VAMP7: variants seen among roughly 807,000 people sequenced by gnomAD.
VAMP7 encodes vesicle-associated membrane protein 7.
In VAMP7, 14 loss-of-function variants were observed where a neutral mutation model predicts 29.6. The observed-to-expected ratio is 0.47, with a 90% CI of 0.31 to 0.74. The LOEUF is 0.74. Among genes scored for constraint, VAMP7 ranks in the 30% least tolerant of loss-of-function variants. The probability of loss-of-function intolerance (pLI) is 0.05; values close to 1 mark genes in which losing one functional copy is unlikely to be tolerated. For synonymous variants in VAMP7, 95 were observed against 88.1 expected (o/e 1.08, Z -0.44); for missense variants, 223 against 262.4 (o/e 0.85, Z 1.04).
intron 5 of VAMP7, among the ~76,000 whole-genome samples, chrX:155,909,641 T>G (rs959946794): frequency 2.4e-4 from 36 of 152,158 alleles, no homozygotes; most frequent in African/African-American, 8.4e-4. Context: ...CGTAGTGACT[T>G]AAACAACAGA....
intron 5 of VAMP7, among the ~76,000 whole-genome samples, chrX:155,909,515 CTTTAGATTTAGT>C (rs2066203986): frequency 6.6e-6 from 1 of 152,026 alleles, no homozygotes; most frequent in East Asian, 1.9e-4. Context: ...CCACTGCTAG[CTTTAGATTTAGT>C]TTACCCTTCT....
chrX:155,883,639 C>G (rs1177115531), intron 1 of VAMP7, among the ~76,000 whole-genome samples: 3 of 151,398 alleles, frequency 2.0e-5, no homozygotes, highest in African/African-American at 7.3e-5. Context: ...TTTATTTGAA[C>G]AGTTGTATAA....
At chrX:155,911,562 A>G (rs1369288119) in intron 5 of VAMP7, among the ~76,000 whole-genome samples, 7 of 152,060 alleles carry the variant, frequency 4.6e-5, no homozygotes, top group African/African-American at 1.4e-4. Flanking sequence ...TTTTAATAAT[A>G]TACATTCTTA....
At chrX:155,905,294 A>G (rs758947781) in intron 5 of VAMP7, among the ~76,000 whole-genome samples, 10 of 152,152 alleles carry the variant, frequency 6.6e-5, no homozygotes, top group African/African-American at 2.4e-4. Context: ...TTGAGCTATA[A>G]CAGTACTTTA....
intron 6 of VAMP7, among the ~76,000 whole-genome samples, chrX:155,935,120 G>A (rs912417461): frequency 1.3e-5 from 2 of 151,980 alleles, no homozygotes; most frequent in African/African-American, 4.8e-5. Context: ...CTTTCTCTCT[G>A]GCTGCCCTTA....
chrX:155,896,164 G>C (rs2065985011), intron 3 of VAMP7, among the ~76,000 whole-genome samples: 1 of 152,290 alleles, frequency 6.6e-6, no homozygotes, highest in East Asian at 1.9e-4. Flanking sequence ...TTGTCATATA[G>C]AGCAGCAAAT....
At chrX:155,913,475 A>T (rs2066267495) in intron 5 of VAMP7, among the ~76,000 whole-genome samples, 1 of 152,120 alleles carries the variant, frequency 6.6e-6, no homozygotes, top group African/African-American at 2.4e-5. Flanking sequence ...GGTATTGCCC[A>T]GGTTTTCTTC....
At chrX:155,932,754 G>C (rs2066581328) in intron 6 of VAMP7, among the ~76,000 whole-genome samples, 1 of 152,152 alleles carries the variant, frequency 6.6e-6, no homozygotes, top group Admixed American at 6.5e-5. Flanking sequence ...TTGAATAGGA[G>C]TGGTGAGAGA....
At chrX:155,934,837 A>G (rs5983835) in intron 6 of VAMP7, among the ~76,000 whole-genome samples, 96,889 of 151,750 alleles carry the variant, frequency 0.64, 31,203 homozygotes, top group African/African-American at 0.74. Flanking sequence ...AGTGGCTGGT[A>G]TGTGTTGTTC....
At chrX:155,940,274 C>T (rs1603029638) in intron 7 of VAMP7, among the ~76,000 whole-genome samples, 2 of 152,054 alleles carry the variant, frequency 1.3e-5, no homozygotes, top group South Asian at 2.1e-4. Context: ...GTGCTTTACC[C>T]TGTTCATGGT....
At chrX:155,898,066 C>T (rs772346325) in intron 3 of VAMP7, 46 bp from the exon 4 acceptor site, 1 of 1,596,422 alleles carries the variant, frequency 6.3e-7, no homozygotes, top group South Asian at 1.1e-5. Flanking sequence ...CTCACATCAT[C>T]TTTGTTTACT....
intron 1 of VAMP7, among the ~76,000 whole-genome samples, chrX:155,883,306 C>G (rs2065825981): frequency 6.6e-6 from 1 of 152,154 alleles, no homozygotes; most frequent in South Asian, 2.1e-4. Flanking sequence ...ATCAGGCTAG[C>G]TTATGTACCT....
chrX:155,883,514 T>G (rs2065828482), intron 1 of VAMP7, among the ~76,000 whole-genome samples: 1 of 152,166 alleles, frequency 6.6e-6, no homozygotes, highest in African/African-American at 2.4e-5. Context: ...GCCAATGAAC[T>G]CTTGCAAGAA....
chrX:155,921,524 T>C (rs1165253309), intron 6 of VAMP7, among the ~76,000 whole-genome samples: 1 of 152,134 alleles, frequency 6.6e-6, no homozygotes, highest in African/African-American at 2.4e-5. Context: ...CCTGTGAAAT[T>C]CATCCACGTT....
chrX:155,894,065 C>T (rs377554109), intron 2 of VAMP7, among the ~76,000 whole-genome samples: 69 of 152,266 alleles, frequency 4.5e-4, no homozygotes, highest in African/African-American at 1.4e-3. Context: ...ACAGGTACCC[C>T]TATCTATCCA....
intron 3 of VAMP7, 118 bp from the exon 4 acceptor site, chrX:155,897,994 T>C (rs2066008579): frequency 7.7e-7 from 1 of 1,295,972 alleles, no homozygotes; most frequent in Non-Finnish European, 1.1e-6. Context: ...TCAATGCTAG[T>C]TCCTCCTCAG....
intron 2 of VAMP7, among the ~76,000 whole-genome samples, chrX:155,891,069 G>C (rs2065920704): frequency 6.6e-6 from 1 of 152,184 alleles, no homozygotes; most frequent in Non-Finnish European, 1.5e-5. Context: ...TGCTTGCCCA[G>C]TAATTTTAAA....
chrX:155,916,681 GCC>G (rs919274801), intron 5 of VAMP7, among the ~76,000 whole-genome samples: 1 of 151,960 alleles, frequency 6.6e-6, no homozygotes, highest in Non-Finnish European at 1.5e-5. Context: ...TTGAATATTC[GCC>G]CCCAGTCTCT....
At chrX:155,913,029 C>T (rs1265430716) in intron 5 of VAMP7, among the ~76,000 whole-genome samples, 2 of 152,134 alleles carry the variant, frequency 1.3e-5, no homozygotes, top group Admixed American at 6.5e-5. Context: ...TCTGTTCTTT[C>T]CTGACTTGTT....
Sources: allele counts gnomAD v4.1 joint callset (sites outside exome capture counted in the v4.1 genomes callset), GRCh38; gene constraint gnomAD v4.1.1; transcripts MANE v1.5; gene names NCBI Gene and HGNC (gene_info 2026-07-23, HGNC 2026-07-21).